DERPC: variants seen among roughly 807,000 people sequenced by gnomAD.
DERPC encodes decreased expression in renal and prostate cancer protein.
DERPC carries 1 observed loss-of-function variant against 7.2 expected under a neutral mutation model. The ratio of observed to expected loss-of-function variants is 0.14; its 90% CI spans 0.05 to 0.66. The LOEUF is 0.66. Among genes scored for constraint, DERPC ranks in the 30% least tolerant of loss-of-function variants. DERPC has a pLI of 0.84. For synonymous variants in DERPC, 185 were observed against 117.6 expected (o/e 1.57, Z -3.71); for missense variants, 502 against 299.4 (o/e 1.68, Z -4.99).
In DERPC at chr16:69,121,499, G is replaced by C; in HGVS notation, c.-279-6C>G. The C allele has an allele frequency of 1.9e-6, 3 of 1,564,574 alleles. No individual in the cohort carries two copies. Among genetic ancestry groups the C allele is most frequent in the Non-Finnish European group, 2.6e-6 (3 of 1,152,162 alleles). On this transcript the variant is annotated splice_region_variant and splice_polypyrimidine_tract_variant and intron_variant, in intron 1 of 2. Coordinates refer to ENST00000519520, the MANE Select transcript of DERPC (RefSeq NM_001002847.4). ...AAAAAGCAAGTGAAAACAAGCTGTAGAGAGAAAAAAAGAGATTTAGGGTAA... is the reference window on the plus strand; with the variant it reads ...AAAAAGCAAGTGAAAACAAGCTGTACAGAGAAAAAAAGAGATTTAGGGTAA...
intron 1 of DERPC, among the ~76,000 whole-genome samples, chr16:69,123,872 G>A (rs1035235263): frequency 6.7e-5 from 10 of 148,636 alleles, no homozygotes; most frequent in Non-Finnish European, 1.2e-4. Context: ...TGGATCACCT[G>A]AGGTCAGGAG....
At position 69,118,691 on chromosome 16, in the gene DERPC, C is replaced by T. The variant is rs1240111798; in HGVS notation, c.*163G>A. 4.5e-6 allele frequency: 3 copies of T among 662,032 alleles called. No individual in the cohort carries two copies. The highest frequency in any genetic ancestry group is 1.8e-5 in the African/African-American group (1 of 55,528). The allele number at this position is 662,032 out of a possible 1,614,324, so 41.0% of individuals were successfully genotyped here. ...TCACATGCCACAAATAACATCTCAC[C>T]TTCAGTCAAGAAAAACGCAAAGGAA... On this transcript the variant is annotated 3_prime_UTR_variant, in exon 3 of 3. Transcript: ENST00000519520.
Position 69,119,205 on chromosome 16 carries a change from G to A in DERPC, c.1224C>T (p.Pro408=). The stretch of plus-strand genomic sequence containing the variant: ...TGGCCCTTGGGAAGTTAGCTGGGTT[G>A]GGGCCAAGTGGCCCAGAGGCTCTTG... ...IFPRASGPLG[P]NPANFPRATG... is the part of the protein sequence containing the mutation. The change falls in exon 3 of 3, where the codon CCC becomes CCT. Residue 408 remains proline, a synonymous_variant. Coordinates refer to ENST00000519520, the MANE Select transcript of DERPC (RefSeq NM_001002847.4). The A allele has an allele frequency of 2.8e-6, 2 of 703,032 alleles. No individual in the cohort carries two copies. The highest frequency in any genetic ancestry group is 1.5e-5 in the South Asian group (1 of 67,568). 43.5% of individuals were successfully genotyped at this position (703,032 alleles called of 1,614,324 possible).
At chr16:69,123,926 A>G (rs1305532547) in intron 1 of DERPC, among the ~76,000 whole-genome samples, 1 of 55,898 alleles carries the variant, frequency 1.8e-5, no homozygotes, top group African/African-American at 6.0e-5. Context: ...CATCTCTACT[A>G]AAAAAAAAAA....
Position 69,119,683 on chromosome 16 carries a change from A to G in DERPC, c.746T>C (p.Leu249Pro). ...RPSGLGPGPN[L>P]DARAGGLLGT... The stretch of plus-strand genomic sequence containing the variant: ...CAAGAGGCCACCTGCTCTGGCATCT[A>G]GATTAGGGCCTGGGCCCAGGCCACT... Residue 249 changes from leucine to proline, a missense_variant, in exon 3 of 3, where the codon CTA becomes CCA. Transcript: ENST00000519520. 1 of 675,726 alleles carries G rather than the reference A, an allele frequency of 1.5e-6. No homozygotes were observed. Among genetic ancestry groups the G allele is most frequent in the East Asian group, 2.7e-5 (1 of 36,836 alleles). The allele number at this position is 675,726 out of a possible 1,614,324, so 41.9% of individuals were successfully genotyped here.
intron 1 of DERPC, 35 bp from the exon 2 acceptor site, chr16:69,121,528 C>T (rs1025136773): frequency 8.3e-6 from 11 of 1,331,916 alleles, no homozygotes; most frequent in Middle Eastern, 1.9e-4. Flanking sequence ...AGGGTAATAA[C>T]AACAACAACT....
chr16:69,118,141 T>TTC lies in DERPC; in HGVS notation c.*712_*713insGA. 4.6e-6 allele frequency: 1 copy of TTC among 219,374 alleles called. No homozygotes were observed. The highest frequency in any genetic ancestry group is 9.3e-6 in the Non-Finnish European group (1 of 107,938). The allele number at this position is 219,374 out of a possible 1,614,324, so 13.6% of individuals were successfully genotyped here. The stretch of plus-strand genomic sequence containing the variant: ...CTTCATCCCCCACCCCCACCCTAAT[T>TTC]CCCATATTCCCATCCACATCAGTTT... On this transcript the variant is annotated 3_prime_UTR_variant, in exon 3 of 3. Transcript: ENST00000519520.
chr16:69,118,498 G>C lies in DERPC; in HGVS notation c.*356C>G. 1 of 1,250,350 alleles carries C rather than the reference G, an allele frequency of 8.0e-7. No individual in the cohort carries two copies. Among genetic ancestry groups the C allele is most frequent in the Non-Finnish European group, 1.2e-6 (1 of 847,182 alleles). 77.5% of individuals were successfully genotyped at this position (1,250,350 alleles called of 1,614,324 possible). ...CAATGGTGAGCAGGGGACTACATGTGAACTGGGACCTGCAGGCCAATGTAT... is the reference window on the plus strand; with the variant it reads ...CAATGGTGAGCAGGGGACTACATGTCAACTGGGACCTGCAGGCCAATGTAT... On this transcript the variant is annotated 3_prime_UTR_variant, in exon 3 of 3. Transcript: ENST00000519520.
Position 69,119,493 on chromosome 16 carries a change from G to A in DERPC, c.936C>T (p.Pro312=). The change falls in exon 3 of 3, where the codon CCC becomes CCT. Residue 312 remains proline (P), a synonymous_variant. Coordinates refer to ENST00000519520, the MANE Select transcript of DERPC (RefSeq NM_001002847.4). Reference sequence around the variant, plus strand: ...AGCTAGGACCCGAGTTTGGGCCCATGGGGCCAGGTACTCTTGCCATGGAGG... The same window carrying A: ...AGCTAGGACCCGAGTTTGGGCCCATAGGGCCAGGTACTCTTGCCATGGAGG... The part of the protein sequence containing the change: ...SPSSMARVPG[P]MGPNSGPSSR... 1 of 703,048 alleles carries A rather than the reference G, an allele frequency of 1.4e-6. No homozygotes were observed. The highest frequency in any genetic ancestry group is 1.5e-5 in the South Asian group (1 of 67,594). The allele number at this position is 703,048 out of a possible 1,614,324, so 43.6% of individuals were successfully genotyped here. A position where few individuals can be genotyped will look rare whatever the true frequency, so the allele number is the denominator to read the frequency against.
Position 69,120,744 on chromosome 16 carries a change from A to C in DERPC, c.-221-95T>G, listed in dbSNP as rs1229849483. The C allele has an allele frequency of 9.4e-6, 10 of 1,063,842 alleles. No individual in the cohort carries two copies. Among genetic ancestry groups the C allele is most frequent in the Non-Finnish European group, 1.4e-5 (10 of 715,036 alleles). The allele number at this position is 1,063,842 out of a possible 1,614,324, so 65.9% of individuals were successfully genotyped here. ...GCTGCTCTTGGCAGGCTATGCTGGC[A>C]CCTCCAATCCCTGGTCTGGCTCTGC... On this transcript the variant is annotated intron_variant, in intron 2 of 2. Transcript: ENST00000519520. This position sits in a 1 kb window ranked among gnomAD's most constrained non-coding sequence, Gnocchi z 4.0.
chr16:69,119,918 G>A lies in DERPC; in HGVS notation c.511C>T (p.Pro171Ser), dbSNP rs748342748. 3 of 702,562 alleles carry A rather than the reference G, an allele frequency of 4.3e-6. No homozygotes were observed. Among genetic ancestry groups the A allele is most frequent in the Non-Finnish European group, 7.8e-6 (3 of 384,946 alleles). The allele number at this position is 702,562 out of a possible 1,614,324, so 43.5% of individuals were successfully genotyped here. A position where few individuals can be genotyped will look rare whatever the true frequency, so the allele number is the denominator to read the frequency against. The change falls in exon 3 of 3, where the codon CCC becomes TCC. Residue 171 changes from proline to serine, a missense_variant. Transcript: ENST00000519520. ...AGGLLGAGPD[P>S]RGGGPMGPGS... ...GGGCCCATGGGACCACCACCTCTGG[G>A]GTCAGGACCTGCTCCCAGGAGACCA...
Position 69,119,110 on chromosome 16 carries a change from G to A in DERPC, c.1319C>T (p.Thr440Ile). 2 of 703,078 alleles carry A rather than the reference G, an allele frequency of 2.8e-6. No homozygotes were observed. Among genetic ancestry groups the A allele is most frequent in the East Asian group, 2.7e-5 (1 of 37,294 alleles). 43.6% of individuals were successfully genotyped at this position (703,078 alleles called of 1,614,324 possible). Residue 440 changes from threonine to isoleucine, a missense_variant, in exon 3 of 3, where the codon ACT (threonine) becomes ATT (isoleucine). By Grantham distance (89) the Thr-to-Ile change is moderately conservative. Transcript: ENST00000519520. ...ATGCCCGGCAGCTGGCCTGGGGAAA[G>A]TAACTTGACCAGGGCCTAATGGGCC... is the stretch of plus-strand genomic sequence containing the variant. The part of the protein sequence containing the change: ...STGPLGPGQV[T>I]FPRPAAGHLG...
chr16:69,129,511 A>G (rs761946437), intron 1 of DERPC, among the ~76,000 whole-genome samples: 2 of 151,656 alleles, frequency 1.3e-5, no homozygotes, highest in African/African-American at 2.4e-5. Context: ...TTCATTTCTC[A>G]CAAGCTAGCC....
chr16:69,128,047 T>C (rs934489043), intron 1 of DERPC, among the ~76,000 whole-genome samples: 2 of 152,152 alleles, frequency 1.3e-5, no homozygotes, highest in African/African-American at 2.4e-5. Context: ...CCCGAGTAAC[T>C]GGAATTACAG....
In DERPC at chr16:69,118,474, A is replaced by C; in HGVS notation, c.*380T>G. On this transcript the variant is annotated 3_prime_UTR_variant, in exon 3 of 3. Coordinates refer to ENST00000519520, the MANE Select transcript of DERPC (RefSeq NM_001002847.4). ...CTAGAGAGCAGTGAGCTGATTCTCC[A>C]ATGGTGAGCAGGGGACTACATGTGA... 3 of 1,506,382 alleles carry C rather than the reference A, an allele frequency of 2.0e-6. No homozygotes were observed. Among genetic ancestry groups the C allele is most frequent in the Non-Finnish European group, 2.8e-6 (3 of 1,081,444 alleles). The allele number at this position is 1,506,382 out of a possible 1,614,324, so 93.3% of individuals were successfully genotyped here.
At chr16:69,126,547 C>T (rs1962070407) in intron 1 of DERPC, among the ~76,000 whole-genome samples, 1 of 152,220 alleles carries the variant, frequency 6.6e-6, no homozygotes, top group Non-Finnish European at 1.5e-5. Flanking sequence ...AGCATCTTAC[C>T]ACCATGCTCA....
chr16:69,121,704 G>C (rs1961682630), intron 1 of DERPC, among the ~76,000 whole-genome samples: 1 of 145,950 alleles, frequency 6.9e-6, no homozygotes. Flanking sequence ...GTCTCACTCT[G>C]TCACCCAGGT....
intron 2 of DERPC, 187 bp downstream of exon 2, chr16:69,121,249 C>CTTTGGGCCT: frequency 7.2e-7 from 1 of 1,388,728 alleles, no homozygotes; most frequent in Non-Finnish European, 1.0e-6. Context: ...CATTTGAGGC[C>CTTTGGGCCT]CAAAGGACCT....
rs1334135956 is a variant in DERPC, at chr16:69,119,497, C to T, written c.932G>A (p.Gly311Asp). ...AGGACCCGAGTTTGGGCCCATGGGG[C>T]CAGGTACTCTTGCCATGGAGGATGG... ...TSPSSMARVP[G>D]PMGPNSGPSS... The change falls in exon 3 of 3, where the codon GGC becomes GAC. Residue 311 changes from glycine (G) to aspartate (D), a missense_variant. Physicochemically the swap from Gly to Asp is moderately conservative, Grantham distance 94. Transcript: ENST00000519520. 1 of 703,010 alleles carries T rather than the reference C, an allele frequency of 1.4e-6. No homozygotes were observed. Among genetic ancestry groups the T allele is most frequent in the Non-Finnish European group, 2.6e-6 (1 of 385,006 alleles). 43.5% of individuals were successfully genotyped at this position (703,010 alleles called of 1,614,324 possible).
Sources: gnomAD v4.1 joint callset for allele counts (sites outside exome capture counted in the v4.1 genomes callset) on GRCh38, gnomAD v4.1.1 for gene constraint, Gnocchi (gnomAD v3.1) non-coding constraint, MANE v1.5 for transcripts, NCBI Gene and HGNC (gene_info 2026-07-23, HGNC 2026-07-21) for gene names.